Variants in PAK3 observed in about 807,000 individuals in gnomAD.
PAK3 encodes p21 (RAC1) activated kinase 3.
PAK3 carries 4 observed loss-of-function variants against 41.0 expected under a neutral mutation model. The observed-to-expected ratio is 0.10, with a 90% confidence interval of 0.05 to 0.22. The LOEUF (loss-of-function observed/expected upper bound fraction) is 0.22. Ranked by LOEUF, PAK3 falls within the 10% of genes least tolerant of loss-of-function variation. The probability of loss-of-function intolerance (pLI) is 1.00; values close to 1 mark genes in which losing one functional copy is unlikely to be tolerated. For synonymous variants in PAK3, 146 were observed against 139.6 expected (o/e 1.05, Z -0.32); for missense variants, 205 against 409.9 (o/e 0.50, Z 4.32).
intron 16 of PAK3, among the ~76,000 whole-genome samples, chrX:111,204,941 AT>A (rs775428482): frequency 0.15 from 4,709 of 32,428 alleles, 245 homozygotes; most frequent in Non-Finnish European, 0.17. Flanking sequence ...TCATCAGCAC[AT>A]TTTTTTTTTT....
At chrX:111,089,019 A>G (rs1034132343) in intron 1 of PAK3, among the ~76,000 whole-genome samples, 5 of 111,638 alleles carry the variant, frequency 4.5e-5, no homozygotes, top group Admixed American at 2.9e-4. Flanking sequence ...TGACATTCAG[A>G]TTAACTATTA....
chrX:111,043,352 A>G (rs2092469668), intron 1 of PAK3, among the ~76,000 whole-genome samples: 1 of 111,344 alleles, frequency 9.0e-6, no homozygotes, highest in African/African-American at 3.3e-5. Context: ...TTAAAATCAT[A>G]CTTTTACCCT....
chrX:111,000,978 G>A (rs1158519980), intron 1 of PAK3, among the ~76,000 whole-genome samples: 1 of 111,411 alleles, frequency 9.0e-6, no homozygotes, highest in Non-Finnish European at 1.9e-5. Context: ...GGTCGTGGAA[G>A]GCCTCACTGA....
At chrX:111,166,163 C>T (rs185785880) in intron 10 of PAK3, among the ~76,000 whole-genome samples, 5 of 111,390 alleles carry the variant, frequency 4.5e-5, no homozygotes, top group Non-Finnish European at 9.4e-5. Context: ...TCCACAAAGG[C>T]AGACTTTCCT....
intron 1 of PAK3, among the ~76,000 whole-genome samples, chrX:111,005,658 C>T (rs1269617697): frequency 9.0e-6 from 1 of 111,383 alleles, no homozygotes; most frequent in Non-Finnish European, 1.9e-5. Flanking sequence ...AAATTTGGCC[C>T]TTATGGTAAG....
intron 17 of PAK3, among the ~76,000 whole-genome samples, chrX:111,219,232 TAATAAG>T (rs1237230081): frequency 4.8e-5 from 5 of 103,393 alleles, no homozygotes; most frequent in Non-Finnish European, 7.8e-5. Flanking sequence ...ATAATAATAA[TAATAAG>T]CAAGAGATAA....
rs995330176 is a variant in PAK3, at chrX:111,225,446, T to C, written c.*4999T>C. On this transcript the variant is annotated 3_prime_UTR_variant, in exon 18 of 18. Transcript: ENST00000372007. ...GCAAGATAAACTTTTGGAAACTGCT[T>C]AGTGCCATCGGAGTCTCCTTTAGAA... 8.9e-6 allele frequency: 1 copy of C among 112,067 alleles called. No individual in the cohort carries two copies. The highest frequency in any genetic ancestry group is 3.2e-5 in the African/African-American group (1 of 30,844). 9.2% of individuals were successfully genotyped at this position (112,067 alleles called of 1,213,427 possible).
At chrX:111,128,898 G>A (rs765639924) in intron 5 of PAK3, among the ~76,000 whole-genome samples, 3 of 111,858 alleles carry the variant, frequency 2.7e-5, no homozygotes, top group African/African-American at 9.7e-5. Context: ...TTTTTGGTGT[G>A]TACTTTATAG....
chrX:111,182,770 G>A (rs2094474020), intron 11 of PAK3, among the ~76,000 whole-genome samples: 1 of 111,157 alleles, frequency 9.0e-6, no homozygotes, highest in South Asian at 3.8e-4. Context: ...GAGCCTACAA[G>A]TAGTAACTTT....
chrX:111,157,517 G>A (rs2094121857), intron 8 of PAK3, among the ~76,000 whole-genome samples: 2 of 111,350 alleles, frequency 1.8e-5, no homozygotes, highest in East Asian at 2.8e-4. Flanking sequence ...CCGACCAGGC[G>A]CGGTGGCTCA....
Position 111,222,811 on chromosome X carries a change from T to G in PAK3, c.*2364T>G, listed in dbSNP as rs770790484. 5.9e-4 allele frequency: 66 copies of G among 111,047 alleles called. No homozygotes were observed. The highest frequency in any genetic ancestry group is 2.2e-3 in the African/African-American group (66 of 30,618). The allele number at this position is 111,047 out of a possible 1,213,427, so 9.2% of individuals were successfully genotyped here. A position where few individuals can be genotyped will look rare whatever the true frequency, so the allele number is the denominator to read the frequency against. On this transcript the variant is annotated 3_prime_UTR_variant, in exon 18 of 18. Transcript: ENST00000372007. ...TTGGAGCAGTGACCCTTCAGATCAC[T>G]GTAGGCAGAGAAATGGCTTCTCTCT... is the stretch of plus-strand genomic sequence containing the variant.
chrX:111,216,234 C>T (rs967313415), intron 16 of PAK3, among the ~76,000 whole-genome samples, 187 bp from the exon 17 acceptor site: 3 of 111,749 alleles, frequency 2.7e-5, no homozygotes, highest in African/African-American at 9.8e-5. Context: ...TTCACTGTCA[C>T]CTCAGTTACT....
intron 5 of PAK3, among the ~76,000 whole-genome samples, chrX:111,135,560 C>T (rs918071749): frequency 9.0e-6 from 1 of 110,802 alleles, no homozygotes; most frequent in African/African-American, 3.3e-5. Flanking sequence ...GAGCCTTCTG[C>T]AAATGAGGCT....
chrX:111,134,707 G>A (rs140869060), intron 5 of PAK3, among the ~76,000 whole-genome samples: 15 of 111,477 alleles, frequency 1.3e-4, no homozygotes, highest in Admixed American at 3.8e-4. Flanking sequence ...GGGGTGGTTA[G>A]GGAAGGCTTC....
intron 1 of PAK3, among the ~76,000 whole-genome samples, chrX:110,990,395 G>A (rs1386605204): frequency 2.7e-5 from 3 of 111,755 alleles, no homozygotes; most frequent in African/African-American, 6.5e-5. Flanking sequence ...TTTATGCAGG[G>A]CATGCCAAGA....
At chrX:111,039,206 C>A in intron 1 of PAK3, among the ~76,000 whole-genome samples, 1 of 112,481 alleles carries the variant, frequency 8.9e-6, no homozygotes, top group Non-Finnish European at 1.9e-5. Context: ...CCCTTGCTCA[C>A]AAAGCAGCTA....
chrX:110,971,075 T>C (rs1461442215), intron 1 of PAK3, among the ~76,000 whole-genome samples: 1 of 112,374 alleles, frequency 8.9e-6, no homozygotes, highest in Non-Finnish European at 1.9e-5. Context: ...TAGCTTTAGT[T>C]TTTAAAAATC....
intron 5 of PAK3, among the ~76,000 whole-genome samples, chrX:111,131,611 T>A (rs1261115090): frequency 3.6e-5 from 4 of 110,728 alleles, no homozygotes; most frequent in Non-Finnish European, 7.6e-5. Context: ...CCAAAAAAAA[T>A]TTTAGGTGTA....
chrX:111,149,186 G>T (rs757424573), intron 7 of PAK3, among the ~76,000 whole-genome samples: 144 of 111,841 alleles, frequency 1.3e-3, no homozygotes, highest in Non-Finnish European at 2.2e-3. Context: ...TCACATCTAG[G>T]TCACGCTGAT....
Sources: allele counts gnomAD v4.1 joint callset (sites outside exome capture counted in the v4.1 genomes callset), GRCh38; gene constraint gnomAD v4.1.1; transcripts MANE v1.5; gene names NCBI Gene and HGNC (gene_info 2026-07-23, HGNC 2026-07-21).